The following ITPRID1 variants were observed in gnomAD, a reference collection of about 807,000 sequenced individuals.
ITPRID1 encodes the protein protein ITPRID1.
Under a neutral mutation model 95.4 loss-of-function variants are expected in ITPRID1, and 96 were observed. The observed-to-expected ratio is 1.01, with a 90% CI of 0.85 to 1.19. The LOEUF is 1.19. Ranked by LOEUF, ITPRID1 falls within the 50% of genes most tolerant of loss-of-function variation. ITPRID1 has a pLI of 0.00. For missense variants in ITPRID1, 1,339 were observed against 1,252.9 expected, an observed-to-expected ratio of 1.07 and a Z score of -1.04; for synonymous variants, 510 against 453.6, an observed-to-expected ratio of 1.12 and a Z score of -1.58.
intron 12 of ITPRID1, 62 bp from the exon 13 acceptor site, chr7:31,651,080 T>C: frequency 3.8e-6 from 6 of 1,564,372 alleles, no homozygotes; most frequent in South Asian, 2.4e-5. Context: ...GGCTCCACCA[T>C]GGTGAGCTCT....
intron 10 of ITPRID1, among the ~76,000 whole-genome samples, chr7:31,622,775 A>T (rs554977013): frequency 1.3e-5 from 2 of 152,094 alleles, no homozygotes; most frequent in African/African-American, 2.4e-5. Flanking sequence ...AACTGAAGGA[A>T]ATAGAGACAC....
intron 13 of ITPRID1, 108 bp from the exon 14 acceptor site, chr7:31,651,831 T>C: frequency 2.8e-6 from 2 of 720,200 alleles, no homozygotes; most frequent in South Asian, 4.0e-5. Flanking sequence ...AAGATGACAT[T>C]CTCTTTTAAG....
chr7:31,581,947 T>C (rs1394376577), intron 9 of ITPRID1, among the ~76,000 whole-genome samples: 1 of 152,152 alleles, frequency 6.6e-6, no homozygotes, highest in Non-Finnish European at 1.5e-5. Flanking sequence ...AAAAGAGAAA[T>C]TAAATATTTC....
intron 1 of ITPRID1, among the ~76,000 whole-genome samples, chr7:31,544,619 TTAAG>T (rs769698791): frequency 6.6e-6 from 1 of 152,152 alleles, no homozygotes; most frequent in African/African-American, 2.4e-5. Context: ...TGTACCTTTC[TTAAG>T]ATGCATATTA....
At chr7:31,620,360 C>G (rs947253410) in intron 10 of ITPRID1, among the ~76,000 whole-genome samples, 2 of 152,018 alleles carry the variant, frequency 1.3e-5, no homozygotes, top group African/African-American at 4.8e-5. Context: ...AGGCACCCCC[C>G]AGTAGGGGCA....
intron 12 of ITPRID1, among the ~76,000 whole-genome samples, chr7:31,649,646 T>C (rs1023784250): frequency 6.6e-6 from 1 of 152,148 alleles, no homozygotes. Context: ...CTGATAGAGA[T>C]GGCTTTAGGG....
intron 10 of ITPRID1, among the ~76,000 whole-genome samples, chr7:31,615,730 G>A (rs185911301): frequency 4.0e-5 from 6 of 149,476 alleles, no homozygotes; most frequent in Admixed American, 1.4e-4. Context: ...TACCAGTAGC[G>A]TGTTAGAGTT....
At chr7:31,632,643 C>G (rs1789114878) in intron 10 of ITPRID1, among the ~76,000 whole-genome samples, 1 of 152,142 alleles carries the variant, frequency 6.6e-6, no homozygotes. Context: ...TAAACTAACA[C>G]AACCTTAGGC....
At chr7:31,577,565 C>T (rs1183070384) in intron 8 of ITPRID1, among the ~76,000 whole-genome samples, 1 of 152,118 alleles carries the variant, frequency 6.6e-6, no homozygotes, top group Non-Finnish European at 1.5e-5. Context: ...CGATGCCTAC[C>T]GTTTTTAATA....
rs539453392 is a variant in ITPRID1 at position 31,637,446 on chromosome 7, G to T, written c.1229-4730G>T. Among the ~76,000 whole-genome samples the T allele has an allele frequency of 1.8e-4, 28 of 152,230 alleles. No homozygotes were observed. In the South Asian group the frequency reaches 5.6e-3, roughly 30 times the overall value. On this transcript the variant is annotated intron_variant, in intron 10 of 14. Coordinates refer to ENST00000615280, the MANE Select transcript of ITPRID1 (RefSeq NM_001257967.3). Reference sequence around the variant, plus strand: ...TCGCCAGTCTAACTGGTGTGAGATGGTATCTCATTGTGGTTTTGATTTGCA... The same window carrying T: ...TCGCCAGTCTAACTGGTGTGAGATGTTATCTCATTGTGGTTTTGATTTGCA...
chr7:31,535,827 T>A (rs1783739725), intron 1 of ITPRID1, among the ~76,000 whole-genome samples: 1 of 152,110 alleles, frequency 6.6e-6, no homozygotes, highest in African/African-American at 2.4e-5. Context: ...TGGCCTTTTT[T>A]TGCTCCTGAT....
At chr7:31,582,841 CA>C (rs201481505) in intron 9 of ITPRID1, among the ~76,000 whole-genome samples, 6 of 150,726 alleles carry the variant, frequency 4.0e-5, no homozygotes, top group African/African-American at 1.5e-4. Context: ...TCTTTGGAAG[CA>C]AAAAAAAATC....
chr7:31,519,488 C>CTGTTAGCAT (rs1395898668), intron 1 of ITPRID1, among the ~76,000 whole-genome samples: 1 of 151,122 alleles, frequency 6.6e-6, no homozygotes, highest in Non-Finnish European at 1.5e-5. Context: ...GAGATGACCA[C>CTGTTAGCAT]TGTTAGCATT....
chr7:31,613,183 G>T (rs1435509133), intron 10 of ITPRID1, among the ~76,000 whole-genome samples: 3 of 152,116 alleles, frequency 2.0e-5, no homozygotes, highest in Non-Finnish European at 4.4e-5. Context: ...CTATTCCAAG[G>T]CTGATTGTTT....
chr7:31,609,737 A>G (rs1450894733), intron 10 of ITPRID1, among the ~76,000 whole-genome samples: 1 of 151,380 alleles, frequency 6.6e-6, no homozygotes, highest in African/African-American at 2.4e-5. Context: ...TCAAAGAAAA[A>G]CTTCTTTTTT....
At chr7:31,590,696 G>C (rs1302335422) in intron 10 of ITPRID1, among the ~76,000 whole-genome samples, 1 of 152,134 alleles carries the variant, frequency 6.6e-6, no homozygotes, top group Non-Finnish European at 1.5e-5. Flanking sequence ...CTTCTTGGGA[G>C]GAAGATTGAG....
intron 10 of ITPRID1, among the ~76,000 whole-genome samples, chr7:31,628,922 T>C (rs973907956): frequency 4.6e-5 from 7 of 152,128 alleles, no homozygotes; most frequent in Non-Finnish European, 1.0e-4. Context: ...TCCTCCCAGC[T>C]AGCTTCACAA....
At chr7:31,622,834 T>A (rs191443634) in intron 10 of ITPRID1, among the ~76,000 whole-genome samples, 1 of 151,818 alleles carries the variant, frequency 6.6e-6, no homozygotes, top group Non-Finnish European at 1.5e-5. Context: ...TTTTTTGAAA[T>A]GATCAACAAA....
chr7:31,596,053 T>G (rs1387220275), intron 10 of ITPRID1, among the ~76,000 whole-genome samples: 2 of 151,616 alleles, frequency 1.3e-5, no homozygotes, highest in Admixed American at 6.6e-5. Context: ...ATATTTTGCA[T>G]ATGTCATTTA....
Sources: allele counts gnomAD v4.1 joint callset (sites outside exome capture counted in the v4.1 genomes callset), GRCh38; gene constraint gnomAD v4.1.1; transcripts MANE v1.5; gene names NCBI Gene and HGNC (gene_info 2026-07-23, HGNC 2026-07-21).